Variants in NSD1 observed in about 807,000 individuals in gnomAD.
NSD1 encodes histone-lysine N-methyltransferase, H3 lysine-36 specific.
A neutral mutation model predicts 242.7 loss-of-function variants in NSD1; 26 were observed. That is an observed-to-expected ratio of 0.11 (90% CI 0.08 to 0.15). The LOEUF is 0.15. NSD1 is among the 10% of genes least tolerant of loss of function. The pLI, the probability that NSD1 is intolerant of heterozygous loss-of-function variation, is 1.00. For missense variants in NSD1, 2,495 were observed against 3,272.8 expected, an observed-to-expected ratio of 0.76 and a Z score of 5.80; for synonymous variants, 1,106 against 1,178.1, an observed-to-expected ratio of 0.94 and a Z score of 1.25.
At chr5:177,167,727 TAG>T (rs1465310963) in intron 2 of NSD1, among the ~76,000 whole-genome samples, 1 of 152,202 alleles carries the variant, frequency 6.6e-6, no homozygotes, top group East Asian at 1.9e-4. Context: ...TGGTTTTACT[TAG>T]AGTTTTTGAA....
intron 8 of NSD1, among the ~76,000 whole-genome samples, chr5:177,242,407 G>C (rs1765944364): frequency 6.6e-6 from 1 of 152,044 alleles, no homozygotes; most frequent in South Asian, 2.1e-4. Flanking sequence ...GAGAATTGCA[G>C]TCTTATGATT....
rs189508767 is a variant in NSD1 at position 177,184,997 on chromosome 5, G to C, written c.928-6887G>C. On this transcript the variant is annotated intron_variant, in intron 2 of 22. Coordinates refer to ENST00000439151, the MANE Select transcript of NSD1 (RefSeq NM_022455.5). ...ATGTGTTTTTGTCTTATATATTGCT[G>C]TCGTCTCTTTATAACAACTTAATAT... 9.5e-4 allele frequency among the ~76,000 whole-genome samples: 145 copies of C among 152,212 alleles called. 1 individual carries two copies. The highest frequency in any genetic ancestry group is 3.2e-3 in the African/African-American group (134 of 41,536).
intron 19 of NSD1, among the ~76,000 whole-genome samples, chr5:177,283,514 T>G (rs1759061524): frequency 6.6e-6 from 1 of 152,188 alleles, no homozygotes. Context: ...CCTGGCAGCC[T>G]TGTTATATAT....
In NSD1 at chr5:177,279,114, T is replaced by C. The variant is rs1276950132; in HGVS notation, c.5623-1451T>C. The stretch of plus-strand genomic sequence containing the variant: ...ACCTGCCTGTAGTCCCAACTACTTG[T>C]GAGGCTGATGCAGGAAGCATAGAGG... On this transcript the variant is annotated intron_variant, in intron 17 of 22. Transcript: ENST00000439151. Among the ~76,000 whole-genome samples, 6 of 152,214 alleles carry C rather than the reference T, an allele frequency of 3.9e-5. No homozygotes were observed. The East Asian group carries it at 1.2e-3, about 29-fold the overall frequency.
chr5:177,141,072 G>C (rs191629773), intron 2 of NSD1, among the ~76,000 whole-genome samples: 3 of 152,180 alleles, frequency 2.0e-5, no homozygotes, highest in African/African-American at 7.2e-5. Context: ...ACCCAGGCTG[G>C]AGTGCAGTGG....
rs936178371 is a variant in NSD1 at position 177,267,485 on chromosome 5, A to G, written c.5147-77A>G. 1.3e-5 allele frequency: 15 copies of G among 1,174,858 alleles called. No individual in the cohort carries two copies. The African/African-American group carries it at 2.1e-4, about 17-fold the overall frequency. The allele number at this position is 1,174,858 out of a possible 1,614,324, so 72.8% of individuals were successfully genotyped here. The stretch of plus-strand genomic sequence containing the variant: ...TTTAGTGAAGAGAAAGAAAATATAT[A>G]TATATATGTGTATGGATGTACACAT... On this transcript the variant is annotated intron_variant, in intron 14 of 22. Transcript: ENST00000439151.
chr5:177,266,388 G>A, intron 14 of NSD1: 1 of 668,446 alleles, frequency 1.5e-6, no homozygotes, highest in South Asian at 1.5e-5. Flanking sequence ...ACATGCAGAG[G>A]ATGCTTGTGT....
chr5:177,216,634 A>T (rs1409827179), intron 5 of NSD1, among the ~76,000 whole-genome samples: 33 of 145,546 alleles, frequency 2.3e-4, no homozygotes, highest in African/African-American at 8.1e-4. Context: ...GTCGAAGGTC[A>T]TTTGACCATG....
chr5:177,184,970 G>A (rs530009146), intron 2 of NSD1, among the ~76,000 whole-genome samples: 5 of 152,186 alleles, frequency 3.3e-5, no homozygotes, highest in Non-Finnish European at 5.9e-5. Context: ...GCATCTAAAC[G>A]GATGTGTTTT....
Position 177,185,797 on chromosome 5 carries a change from A to ATATAT in NSD1, c.928-6086_928-6082dup, listed in dbSNP as rs1554184218. On this transcript the variant is annotated intron_variant, in intron 2 of 22. Coordinates refer to ENST00000439151, the MANE Select transcript of NSD1 (RefSeq NM_022455.5). ...TATATTATATATGTATATTATATATATATATATATAAATTTATATATATAA... is the reference window on the plus strand; with the variant it reads ...TATATTATATATGTATATTATATATATATATTATATATATAAATTTATATATATAA... Among the ~76,000 whole-genome samples the ATATAT allele has an allele frequency of 8.4e-3, 766 of 91,052 alleles. 17 individuals carry two copies. Among genetic ancestry groups the ATATAT allele is most frequent in the African/African-American group, 0.035 (739 of 20,940 alleles). 59.7% of individuals were successfully genotyped at this position (91,052 alleles called of 152,430 possible).
chr5:177,133,758 G>A (rs1562095124), upstream of NSD1: 1 of 149,040 alleles, frequency 6.7e-6, no homozygotes, highest in Non-Finnish European at 1.5e-5. The surrounding 1 kb of genome is among the most constrained non-coding windows in gnomAD (Gnocchi z 6.2). Context: ...CGCGCGGTGG[G>A]GGTGTGAGGA....
intron 20 of NSD1, among the ~76,000 whole-genome samples, chr5:177,286,650 T>G (rs1027558775): frequency 6.6e-6 from 1 of 152,152 alleles, no homozygotes; most frequent in African/African-American, 2.4e-5. Context: ...GCCCCAGGGG[T>G]GGAGAGGTTC....
At chr5:177,161,164 G>A (rs1758716335) in intron 2 of NSD1, among the ~76,000 whole-genome samples, 1 of 152,064 alleles carries the variant, frequency 6.6e-6, no homozygotes, top group South Asian at 2.1e-4. Context: ...TGGGAGTCTA[G>A]CTTGAGCCCA....
rs2149912804 is a variant in NSD1 at position 177,257,158 on chromosome 5, A to G, written c.4966+7A>G. On this transcript the variant is annotated splice_region_variant and intron_variant, in intron 13 of 22. Transcript: ENST00000439151. ...AATGTTTCTGCATCTAAAGGTATGG[A>G]TTTCTTATGTGGACCAGTCTAATTG... The G allele has an allele frequency of 1.2e-6, 2 of 1,600,438 alleles. No homozygotes were observed. The highest frequency in any genetic ancestry group is 8.5e-7 in the Non-Finnish European group (1 of 1,170,972).
rs971623692 is a variant in NSD1 at position 177,260,473 on chromosome 5, A to G, written c.5146+305A>G. Among the ~76,000 whole-genome samples the G allele has an allele frequency of 2.6e-5, 4 of 151,112 alleles. 1 individual carries two copies. Among genetic ancestry groups the G allele is most frequent in the South Asian group, 4.2e-4 (2 of 4,800 alleles). ...GCAGTTCTCCTGCCTCAGCCTCCCAAGTAGCTGGGATTACAGGTGCCCGCC... is the reference window on the plus strand; with the variant it reads ...GCAGTTCTCCTGCCTCAGCCTCCCAGGTAGCTGGGATTACAGGTGCCCGCC... On this transcript the variant is annotated intron_variant, in intron 14 of 22. Coordinates refer to ENST00000439151, the MANE Select transcript of NSD1 (RefSeq NM_022455.5).
At chr5:177,207,593 A>T (rs1373483831) in intron 4 of NSD1, among the ~76,000 whole-genome samples, 77 of 78,210 alleles carry the variant, frequency 9.8e-4, no homozygotes, top group African/African-American at 2.5e-3. Context: ...ATTTATTTAA[A>T]TTTTTTTTTT....
Position 177,252,536 on chromosome 5 carries a change from G to GTTTTTT in NSD1, c.4765+685_4765+686insTTTTTT, listed in dbSNP as rs1362275540. On this transcript the variant is annotated intron_variant, in intron 12 of 22. Coordinates refer to ENST00000439151, the MANE Select transcript of NSD1 (RefSeq NM_022455.5). ...TCATAAAGCTGCGCTAAAGTAAAGT[G>GTTTTTT]TTCTTTTTTTTTTTTTTTTTTTTTT... is the stretch of plus-strand genomic sequence containing the variant. Among the ~76,000 whole-genome samples, 35 of 99,024 alleles carry GTTTTTT rather than the reference G, an allele frequency of 3.5e-4. 5 individuals carry two copies. The highest frequency in any genetic ancestry group is 1.5e-3 in the African/African-American group (34 of 23,016). The allele number at this position is 99,024 out of a possible 152,430, so 65.0% of individuals were successfully genotyped here.
At chr5:177,204,957 T>C (rs1203384844) in intron 4 of NSD1, among the ~76,000 whole-genome samples, 2 of 152,198 alleles carry the variant, frequency 1.3e-5, no homozygotes, top group East Asian at 3.8e-4. Flanking sequence ...GATGAAAGTA[T>C]CATTAAAATG....
chr5:177,219,289 G>A (rs563919169), intron 5 of NSD1, among the ~76,000 whole-genome samples: 1 of 151,786 alleles, frequency 6.6e-6, no homozygotes, highest in East Asian at 1.9e-4. Context: ...GGGTTCAAGC[G>A]ATTGTCCTGC....
Sources: gnomAD v4.1 joint callset for allele counts (sites outside exome capture counted in the v4.1 genomes callset) on GRCh38, gnomAD v4.1.1 for gene constraint, Gnocchi (gnomAD v3.1) non-coding constraint, MANE v1.5 for transcripts, NCBI Gene and HGNC (gene_info 2026-07-23, HGNC 2026-07-21) for gene names.